Variants in NELL1 observed in about 807,000 individuals in gnomAD.
NELL1 encodes neural EGFL like 1.
A neutral mutation model predicts 107.4 loss-of-function variants in NELL1; 76 were observed. That is an observed-to-expected ratio of 0.71 (90% confidence interval 0.59 to 0.86). The LOEUF (loss-of-function observed/expected upper bound fraction) is 0.86, where lower values mean the gene tolerates loss of function less well. Among genes scored for constraint, NELL1 ranks in the 40% least tolerant of loss-of-function variants. The pLI is 0.00. For missense variants in NELL1, 1,024 were observed against 1,005.5 expected (o/e 1.02, Z -0.25); for synonymous variants, 353 against 341.2 (o/e 1.03, Z -0.38).
At chr11:21,317,086 A>C (rs1248569093) in intron 14 of NELL1, among the ~76,000 whole-genome samples, 3 of 152,150 alleles carry the variant, frequency 2.0e-5, no homozygotes, top group African/African-American at 7.2e-5. Flanking sequence ...AATTGATAAT[A>C]AGAATCATAA....
intron 12 of NELL1, among the ~76,000 whole-genome samples, chr11:21,004,895 A>G (rs894005436): frequency 3.3e-5 from 5 of 152,106 alleles, no homozygotes; most frequent in African/African-American, 1.2e-4. Flanking sequence ...AACCATAGCT[A>G]CCTTTGTGGA....
intron 13 of NELL1, chr11:21,169,832 A>G: frequency 7.1e-7 from 1 of 1,416,380 alleles, no homozygotes; most frequent in Non-Finnish European, 9.9e-7. Flanking sequence ...GCCCGATGCA[A>G]GTGCTTGCAC....
chr11:21,194,994 G>A (rs1857123112), intron 13 of NELL1, among the ~76,000 whole-genome samples: 1 of 152,134 alleles, frequency 6.6e-6, no homozygotes, highest in African/African-American at 2.4e-5. Context: ...TAGAGTGTGA[G>A]CGTCGGGGAG....
intron 14 of NELL1, chr11:21,262,569 T>C (rs914769409): frequency 8.6e-5 from 13 of 151,900 alleles, no homozygotes; most frequent in Non-Finnish European, 1.6e-4. Flanking sequence ...TGAAAAGGTA[T>C]TGTATTTCTG....
chr11:21,070,937 T>C (rs1262607583), intron 12 of NELL1, among the ~76,000 whole-genome samples: 2 of 152,108 alleles, frequency 1.3e-5, no homozygotes, highest in African/African-American at 2.4e-5. Flanking sequence ...GCACTACTTA[T>C]CATGCTTACT....
intron 2 of NELL1, among the ~76,000 whole-genome samples, chr11:20,691,372 C>G (rs1158796370): frequency 0.19 from 26,555 of 143,456 alleles, 2,849 homozygotes; most frequent in African/African-American, 0.25. Flanking sequence ...AGTTTTCAAA[C>G]AGAATGCTTC....
chr11:21,336,393 A>G (rs1850396270), intron 14 of NELL1, among the ~76,000 whole-genome samples: 1 of 151,978 alleles, frequency 6.6e-6, no homozygotes, highest in African/African-American at 2.4e-5. Flanking sequence ...GGCTTGCCCA[A>G]GACAAAGTCA....
chr11:21,497,522 G>C (rs1855014466), intron 15 of NELL1, among the ~76,000 whole-genome samples: 1 of 151,916 alleles, frequency 6.6e-6, no homozygotes, highest in Non-Finnish European at 1.5e-5. Flanking sequence ...TAATTATGAA[G>C]TCAGTTATTT....
At chr11:20,973,653 A>G (rs915634155) in intron 12 of NELL1, among the ~76,000 whole-genome samples, 1 of 152,198 alleles carries the variant, frequency 6.6e-6, no homozygotes, top group African/African-American at 2.4e-5. Flanking sequence ...TCCAATTTTA[A>G]GTTGGAAAAA....
At position 21,088,423 on chromosome 11, in the gene NELL1, A is replaced by C. The variant is rs116072921; in HGVS notation, c.1301-25166A>C. Among the ~76,000 whole-genome samples the C allele has an allele frequency of 9.7e-3, 1,476 of 152,210 alleles. 19 individuals are homozygous for C. The highest frequency in any genetic ancestry group is 0.032 in the African/African-American group (1,327 of 41,524). ...GGCTCTGAGAAGTTATTTTCTTAAAACAACAAATCTAGTGAGTCCAGACTC... is the reference window on the plus strand; with the variant it reads ...GGCTCTGAGAAGTTATTTTCTTAAACCAACAAATCTAGTGAGTCCAGACTC... On this transcript the variant is annotated intron_variant, in intron 12 of 19. Coordinates refer to ENST00000357134, the MANE Select transcript of NELL1 (RefSeq NM_006157.5).
At chr11:21,184,573 C>A (rs1856893739) in intron 13 of NELL1, among the ~76,000 whole-genome samples, 2 of 151,762 alleles carry the variant, frequency 1.3e-5, no homozygotes, top group Admixed American at 1.3e-4. Flanking sequence ...CCCAGCCAGG[C>A]ATGCTAAATT....
At chr11:21,467,818 T>C (rs1034015552) in intron 15 of NELL1, among the ~76,000 whole-genome samples, 3 of 152,050 alleles carry the variant, frequency 2.0e-5, no homozygotes, top group Non-Finnish European at 4.4e-5. Flanking sequence ...TGAGAATCCC[T>C]TGGAACTCCT....
intron 15 of NELL1, among the ~76,000 whole-genome samples, chr11:21,391,129 C>T (rs147250711): frequency 5.9e-5 from 9 of 151,832 alleles, no homozygotes; most frequent in Admixed American, 3.3e-4. Context: ...ATAGTTTGAA[C>T]GGGTATAGAA....
intron 15 of NELL1, among the ~76,000 whole-genome samples, chr11:21,402,332 T>C (rs1342029751): frequency 1.3e-5 from 2 of 151,822 alleles, no homozygotes; most frequent in African/African-American, 4.8e-5. Context: ...AATTATCATC[T>C]GTAGGAAAAC....
At chr11:21,469,282 T>G (rs1854114854) in intron 15 of NELL1, among the ~76,000 whole-genome samples, 1 of 151,954 alleles carries the variant, frequency 6.6e-6, no homozygotes, top group Admixed American at 6.6e-5. Flanking sequence ...TTGAGGGACT[T>G]TTTTGTTTTG....
At chr11:20,684,210 C>A (rs920959834) in intron 2 of NELL1, among the ~76,000 whole-genome samples, 20 of 151,672 alleles carry the variant, frequency 1.3e-4, no homozygotes, top group African/African-American at 4.8e-4. Flanking sequence ...AATTCAAGAC[C>A]AGCCTGGGCA....
At chr11:21,330,128 C>T (rs1260208968) in intron 14 of NELL1, among the ~76,000 whole-genome samples, 1 of 151,824 alleles carries the variant, frequency 6.6e-6, no homozygotes, top group Non-Finnish European at 1.5e-5. Flanking sequence ...CTCCTAACTA[C>T]CTTCTTTGTG....
intron 13 of NELL1, among the ~76,000 whole-genome samples, chr11:21,151,539 T>A (rs1285987046): frequency 6.6e-6 from 1 of 152,208 alleles, no homozygotes; most frequent in Non-Finnish European, 1.5e-5. Context: ...TCCTATGTAA[T>A]GACCTTGGTT....
intron 16 of NELL1, among the ~76,000 whole-genome samples, chr11:21,542,692 G>A (rs1006698145): frequency 6.6e-6 from 1 of 151,950 alleles, no homozygotes; most frequent in East Asian, 1.9e-4. Context: ...GGAAAGAAAG[G>A]GTGGGTGATA....
Sources: allele counts gnomAD v4.1 joint callset (sites outside exome capture counted in the v4.1 genomes callset), GRCh38; gene constraint gnomAD v4.1.1; transcripts MANE v1.5; gene names NCBI Gene and HGNC (gene_info 2026-07-23, HGNC 2026-07-21).